Variants in TRMT10A observed in about 807,000 individuals in gnomAD.
The protein encoded by TRMT10A is tRNA methyltransferase 10A, also known as tRNA methyltransferase 10 homolog A.
TRMT10A carries 37 observed loss-of-function variants against 40.4 expected under a neutral mutation model. The ratio of observed to expected loss-of-function variants is 0.92; its 90% CI spans 0.71 to 1.21. The LOEUF is 1.21. TRMT10A is among the 50% of genes most tolerant of loss of function. The pLI, the probability that TRMT10A is intolerant of heterozygous loss-of-function variation, is 0.00. For synonymous variants in TRMT10A, 103 were observed against 134.1 expected, an observed-to-expected ratio of 0.77 and a Z score of 1.60; for missense variants, 388 against 404.3, an observed-to-expected ratio of 0.96 and a Z score of 0.35.
rs1723751307 is a variant in TRMT10A at position 99,546,736 on chromosome 4, T to C, written c.*2352A>G. ...TTTTTTGATGCATTTATTTAGGTAG[T>C]TTAATTCTCTACTTTTATTATGTTC... On this transcript the variant is annotated 3_prime_UTR_variant, in exon 8 of 8. Transcript: ENST00000394876. 1 of 152,166 alleles carries C rather than the reference T, an allele frequency of 6.6e-6. No homozygotes were observed. The highest frequency in any genetic ancestry group is 2.4e-5 in the African/African-American group (1 of 41,444). The allele number at this position is 152,166 out of a possible 1,614,324, so 9.4% of individuals were successfully genotyped here.
At chr4:99,552,229 C>T (rs1040490158) in intron 6 of TRMT10A, among the ~76,000 whole-genome samples, 9 of 152,120 alleles carry the variant, frequency 5.9e-5, no homozygotes, top group African/African-American at 9.7e-5. Flanking sequence ...ATTTAATTTG[C>T]CACTCACTTA....
At chr4:99,557,878 A>G (rs1300550449) in intron 3 of TRMT10A, 171 bp downstream of exon 3, 2 of 597,720 alleles carry the variant, frequency 3.3e-6, no homozygotes, top group Non-Finnish European at 5.7e-6. Context: ...ATAAATACAC[A>G]TATTTATTAT....
chr4:99,549,046 T>G lies in TRMT10A; in HGVS notation c.*42A>C. ...TCAATATTCTATATAGCACCTCACT[T>G]TCTCCTAATTTTTCCTTAAACTAAA... On this transcript the variant is annotated 3_prime_UTR_variant, in exon 8 of 8. Transcript: ENST00000394876. 3 of 1,598,314 alleles carry G rather than the reference T, an allele frequency of 1.9e-6. No individual in the cohort carries two copies. Among genetic ancestry groups the G allele is most frequent in the Non-Finnish European group, 2.6e-6 (3 of 1,169,004 alleles).
Position 99,548,259 on chromosome 4 carries a change from T to C in TRMT10A, c.*829A>G, listed in dbSNP as rs1723813133. ...GAGGCAGATGCACCTATAAACTTTA[T>C]TCATCTTAAGAGCCAACAAATTTAA... On this transcript the variant is annotated 3_prime_UTR_variant, in exon 8 of 8. Transcript: ENST00000394876. The C allele has an allele frequency of 6.6e-6, 1 of 151,006 alleles. No homozygotes were observed. Among genetic ancestry groups the C allele is most frequent in the African/African-American group, 2.4e-5 (1 of 41,106 alleles). The allele number at this position is 151,006 out of a possible 1,614,324, so 9.4% of individuals were successfully genotyped here. A position where few individuals can be genotyped will look rare whatever the true frequency, so the allele number is the denominator to read the frequency against.
rs1723809843 is a variant in TRMT10A, at chr4:99,548,191, ATT to A, written c.*895_*896del. The A allele has an allele frequency of 7.2e-6, 1 of 139,600 alleles. No homozygotes were observed. The highest frequency in any genetic ancestry group is 2.5e-4 in the South Asian group (1 of 4,062). 8.6% of individuals were successfully genotyped at this position (139,600 alleles called of 1,614,324 possible). ...ATGCATATTATCACATGTGTATTTG[ATT>A]TATAGAAACAAACATTAGTATGCAT... is the stretch of plus-strand genomic sequence containing the variant. On this transcript the variant is annotated 3_prime_UTR_variant, in exon 8 of 8. Coordinates refer to ENST00000394876, the MANE Select transcript of TRMT10A (RefSeq NM_001134665.3).
At chr4:99,556,084 T>C in intron 5 of TRMT10A, 62 bp downstream of exon 5, 2 of 1,479,690 alleles carry the variant, frequency 1.4e-6, no homozygotes, top group Non-Finnish European at 1.9e-6. Context: ...AGGTACAAAA[T>C]GTAGACCTTT....
intron 1 of TRMT10A, among the ~76,000 whole-genome samples, chr4:99,561,329 T>G (rs767656908): frequency 2.0e-5 from 3 of 152,160 alleles, no homozygotes; most frequent in African/African-American, 7.2e-5. Flanking sequence ...GGGGAGCATA[T>G]GCCTTTCCTA....
chr4:99,549,462 T>A, intron 7 of TRMT10A, 106 bp from the exon 8 acceptor site: 1 of 1,398,088 alleles, frequency 7.2e-7, no homozygotes, highest in Non-Finnish European at 9.7e-7. Context: ...TAGTTTGTCC[T>A]AATAACTACT....
intron 6 of TRMT10A, among the ~76,000 whole-genome samples, chr4:99,552,826 C>T (rs894587061): frequency 1.3e-5 from 2 of 151,204 alleles, no homozygotes; most frequent in East Asian, 3.9e-4. Context: ...CTGAAATGGT[C>T]GAAAAACAGA....
At chr4:99,562,187 T>TTATATATA (rs989324185) in intron 1 of TRMT10A, among the ~76,000 whole-genome samples, 5 of 137,028 alleles carry the variant, frequency 3.6e-5, no homozygotes, top group Admixed American at 7.3e-5. Flanking sequence ...AAAAAAAAAA[T>TTATATATA]TATATATATA....
Position 99,547,479 on chromosome 4 carries a change from C to G in TRMT10A, c.*1609G>C, listed in dbSNP as rs1004903790. 1 of 151,978 alleles carries G rather than the reference C, an allele frequency of 6.6e-6. No individual in the cohort carries two copies. Among genetic ancestry groups the G allele is most frequent in the African/African-American group, 2.4e-5 (1 of 41,398 alleles). The allele number at this position is 151,978 out of a possible 1,614,324, so 9.4% of individuals were successfully genotyped here. A position where few individuals can be genotyped will look rare whatever the true frequency, so the allele number is the denominator to read the frequency against. On this transcript the variant is annotated 3_prime_UTR_variant, in exon 8 of 8. Transcript: ENST00000394876. ...ACTCTTATTTGGAATGATTTTCCCC[C>G]TTTCATAATTAAACAGTGCCCTATT... is the stretch of plus-strand genomic sequence containing the variant.
intron 1 of TRMT10A, among the ~76,000 whole-genome samples, chr4:99,562,802 G>C (rs1031456007): frequency 2.0e-5 from 3 of 151,564 alleles, no homozygotes; most frequent in Non-Finnish European, 4.4e-5. Flanking sequence ...TGGGATTACA[G>C]GCATGAGCCA....
Position 99,559,242 on chromosome 4 carries a change from A to T in TRMT10A, c.97T>A (p.Leu33Ile). 6.2e-7 allele frequency: 1 copy of T among 1,613,556 alleles called. No homozygotes were observed. The highest frequency in any genetic ancestry group is 8.5e-7 in the Non-Finnish European group (1 of 1,179,664). ...EDQEESQKPR[L>I]GEGCEPISKR... is the part of the protein sequence containing the mutation. Reference sequence around the variant, plus strand: ...GATATTGGTTCACACCCTTCACCTAATCTTGGCTTCTGGCTCTCCTCTTGA... The same window carrying T: ...GATATTGGTTCACACCCTTCACCTATTCTTGGCTTCTGGCTCTCCTCTTGA... The change falls in exon 2 of 8, where the codon TTA becomes ATA. Residue 33 changes from leucine (L) to isoleucine (I), a missense_variant. Transcript: ENST00000394876.
At chr4:99,559,625 A>T (rs567670411) in intron 1 of TRMT10A, among the ~76,000 whole-genome samples, 89 of 152,312 alleles carry the variant, frequency 5.8e-4, no homozygotes, top group African/African-American at 2.1e-3. Context: ...ATATGTTTTA[A>T]GAGCTTCAAA....
chr4:99,557,906 G>T, intron 3 of TRMT10A, 143 bp downstream of exon 3: 1 of 712,074 alleles, frequency 1.4e-6, no homozygotes, highest in Non-Finnish European at 2.2e-6. Context: ...CAATTTGCTA[G>T]CTAATTTAAC....
At chr4:99,560,463 C>G (rs745701944) in intron 1 of TRMT10A, among the ~76,000 whole-genome samples, 17 of 151,320 alleles carry the variant, frequency 1.1e-4, no homozygotes, top group Non-Finnish European at 2.2e-4. Flanking sequence ...GATGCAGACA[C>G]AAATAGAACA....
chr4:99,562,095 C>T (rs28678377), intron 1 of TRMT10A, among the ~76,000 whole-genome samples: 39,464 of 150,464 alleles, frequency 0.26, 5,341 homozygotes, highest in South Asian at 0.35. Flanking sequence ...CGCTTGAACC[C>T]GGGAGGCAGA....
chr4:99,560,170 T>C (rs1224557766), intron 1 of TRMT10A, among the ~76,000 whole-genome samples: 2 of 151,978 alleles, frequency 1.3e-5, no homozygotes, highest in African/African-American at 4.8e-5. Flanking sequence ...TTGATACAAA[T>C]TAAAAATAGG....
rs938511592 is a variant in TRMT10A at position 99,563,983 on chromosome 4, C to G, written c.-94G>C. ...TTTCTGGGTTGGCCTGGTTACGGCTCACGCTTCCTTCCACAGAAACTTCAA... is the reference window on the plus strand; with the variant it reads ...TTTCTGGGTTGGCCTGGTTACGGCTGACGCTTCCTTCCACAGAAACTTCAA... On this transcript the variant is annotated 5_prime_UTR_variant, in exon 1 of 8. Coordinates refer to ENST00000394876, the MANE Select transcript of TRMT10A (RefSeq NM_001134665.3). 5.1e-6 allele frequency: 7 copies of G among 1,372,786 alleles called. No homozygotes were observed. Among genetic ancestry groups the G allele is most frequent in the Non-Finnish European group, 7.0e-6 (7 of 999,768 alleles). 85.0% of individuals were successfully genotyped at this position (1,372,786 alleles called of 1,614,324 possible).
Sources: gnomAD v4.1 joint callset for allele counts (sites outside exome capture counted in the v4.1 genomes callset) on GRCh38, gnomAD v4.1.1 for gene constraint, MANE v1.5 for transcripts, NCBI Gene and HGNC (gene_info 2026-07-23, HGNC 2026-07-21) for gene names.